ABCB1: variants seen among roughly 807,000 people sequenced by gnomAD.
ABCB1 encodes the protein ATP binding cassette subfamily B member 1, also known as ATP-dependent translocase ABCB1.
A neutral mutation model predicts 142.0 loss-of-function variants in ABCB1; 69 were observed. The ratio of observed to expected loss-of-function variants is 0.49; its 90% confidence interval spans 0.40 to 0.59. ABCB1 has a LOEUF of 0.59. Ranked by LOEUF, ABCB1 falls within the 20% of genes least tolerant of loss-of-function variation. The pLI is 0.00. For missense variants in ABCB1, 1,326 were observed against 1,554.7 expected (o/e 0.85, Z 2.47); for synonymous variants, 532 against 539.2 (o/e 0.99, Z 0.18).
intron 2 of ABCB1, among the ~76,000 whole-genome samples, chr7:87,596,598 C>T (rs1214239076): frequency 2.6e-5 from 4 of 151,922 alleles, no homozygotes; most frequent in Non-Finnish European, 5.9e-5. Flanking sequence ...AAATCTGCCT[C>T]ATCTGTATTT....
chr7:87,507,705 C>T (rs909307151), intron 26 of ABCB1, among the ~76,000 whole-genome samples: 2 of 152,056 alleles, frequency 1.3e-5, no homozygotes, highest in Non-Finnish European at 2.9e-5. Flanking sequence ...TCTTCCCCGC[C>T]GGGTTGAGGC....
chr7:87,699,063 A>G (rs1282040754), intron 1 of ABCB1, among the ~76,000 whole-genome samples: 1 of 152,214 alleles, frequency 6.6e-6, no homozygotes, highest in Non-Finnish European at 1.5e-5. Context: ...TTTTAAAAGC[A>G]GTCAAGTTAC....
At chr7:87,556,290 G>T (rs1472508252) in intron 8 of ABCB1, among the ~76,000 whole-genome samples, 1 of 152,066 alleles carries the variant, frequency 6.6e-6, no homozygotes, top group Non-Finnish European at 1.5e-5. Flanking sequence ...TAAGCCAACA[G>T]AAATAAATAT....
At chr7:87,710,056 T>G (rs1418372944) in intron 1 of ABCB1, among the ~76,000 whole-genome samples, 1 of 152,154 alleles carries the variant, frequency 6.6e-6, no homozygotes, top group Non-Finnish European at 1.5e-5. Context: ...AGCTCATGAT[T>G]TGGATTCATT....
chr7:87,651,006 T>A, intron 1 of ABCB1: 1 of 884,250 alleles, frequency 1.1e-6, no homozygotes, highest in Non-Finnish European at 1.8e-6. Flanking sequence ...ATTTTAGAAA[T>A]CATACAGTCT....
chr7:87,664,725 AT>A (rs1307589399), intron 1 of ABCB1, among the ~76,000 whole-genome samples: 1 of 152,182 alleles, frequency 6.6e-6, no homozygotes, highest in Non-Finnish European at 1.5e-5. Context: ...ACAGGAAGAA[AT>A]TTAAAAATTT....
intron 18 of ABCB1, 88 bp downstream of exon 18, chr7:87,541,269 A>T (rs1282967778): frequency 2.2e-6 from 2 of 905,056 alleles, no homozygotes; most frequent in East Asian, 5.0e-5. Context: ...TTCTACTAAA[A>T]GGCCAATTAC....
intron 1 of ABCB1, among the ~76,000 whole-genome samples, chr7:87,649,373 C>G (rs1312553493): frequency 6.6e-6 from 1 of 152,184 alleles, no homozygotes; most frequent in Non-Finnish European, 1.5e-5. Context: ...GAGGGAGATA[C>G]ATAGTTCAGA....
intron 26 of ABCB1, among the ~76,000 whole-genome samples, chr7:87,506,447 C>A (rs1814748706): frequency 6.6e-6 from 1 of 152,168 alleles, no homozygotes; most frequent in Non-Finnish European, 1.5e-5. Flanking sequence ...GTGACACTCT[C>A]TGCATGATTT....
At chr7:87,574,073 G>A (rs559545428) in intron 4 of ABCB1, among the ~76,000 whole-genome samples, 2 of 152,150 alleles carry the variant, frequency 1.3e-5, no homozygotes, top group African/African-American at 4.8e-5. Context: ...ATAGGCACTG[G>A]AGGGTCCAGG....
At chr7:87,690,476 T>C (rs1190074849) in intron 1 of ABCB1, among the ~76,000 whole-genome samples, 10 of 152,312 alleles carry the variant, frequency 6.6e-5, no homozygotes, top group Non-Finnish European at 1.3e-4. Flanking sequence ...AAGATGTTAA[T>C]ACCTACCACC....
chr7:87,649,282 A>G (rs1823335521), intron 1 of ABCB1, among the ~76,000 whole-genome samples: 1 of 152,180 alleles, frequency 6.6e-6, no homozygotes. Flanking sequence ...ACATTTATTT[A>G]CCATTCTTTC....
At chr7:87,534,892 G>A (rs149720089) in intron 20 of ABCB1, among the ~76,000 whole-genome samples, 2 of 136,066 alleles carry the variant, frequency 1.5e-5, no homozygotes, top group African/African-American at 5.9e-5. Context: ...TCTGGCCTGG[G>A]CTACAAAGAG....
At chr7:87,669,251 ATGTT>A (rs979992341) in intron 1 of ABCB1, among the ~76,000 whole-genome samples, 9 of 151,484 alleles carry the variant, frequency 5.9e-5, no homozygotes, top group Admixed American at 2.0e-4. Flanking sequence ...GTCTTTTTTG[ATGTT>A]TGTTTATTTG....
intron 1 of ABCB1, among the ~76,000 whole-genome samples, chr7:87,642,794 A>T (rs1244071014): frequency 1.3e-5 from 2 of 152,186 alleles, no homozygotes; most frequent in Non-Finnish European, 2.9e-5. Context: ...GCAATACAAG[A>T]TGTTAATAAT....
At chr7:87,678,819 G>A (rs1826631532) in intron 1 of ABCB1, among the ~76,000 whole-genome samples, 3 of 152,134 alleles carry the variant, frequency 2.0e-5, no homozygotes, top group Admixed American at 6.5e-5. Context: ...AAAGAAAACT[G>A]ACAGGGATAA....
intron 16 of ABCB1, among the ~76,000 whole-genome samples, chr7:87,544,600 C>T (rs996312857): frequency 2.6e-5 from 4 of 152,030 alleles, no homozygotes; most frequent in Non-Finnish European, 4.4e-5. Flanking sequence ...TTTGAAGACC[C>T]GCTATAGTCT....
At chr7:87,597,361 C>T (rs912575589) in intron 2 of ABCB1, among the ~76,000 whole-genome samples, 2 of 152,092 alleles carry the variant, frequency 1.3e-5, no homozygotes, top group Non-Finnish European at 2.9e-5. Context: ...GGACTATTAT[C>T]CCAGCATTAT....
At chr7:87,664,452 A>G (rs1033985227) in intron 1 of ABCB1, among the ~76,000 whole-genome samples, 1 of 152,196 alleles carries the variant, frequency 6.6e-6, no homozygotes, top group Non-Finnish European at 1.5e-5. Flanking sequence ...GATGACCCAG[A>G]TGTTGGAATA....
Sources: allele counts gnomAD v4.1 joint callset (sites outside exome capture counted in the v4.1 genomes callset), GRCh38; gene constraint gnomAD v4.1.1; transcripts MANE v1.5; gene names NCBI Gene and HGNC (gene_info 2026-07-23, HGNC 2026-07-21).